Variants in AKAP6 observed in about 807,000 individuals in gnomAD.
The protein encoded by AKAP6 is A-kinase anchor protein 6.
Under a neutral mutation model 188.5 loss-of-function variants are expected in AKAP6, and 58 were observed. That is an observed-to-expected ratio of 0.31 (90% CI 0.25 to 0.38). The LOEUF is 0.38. AKAP6 is among the 10% of genes least tolerant of loss of function. The pLI, the probability that AKAP6 is intolerant of heterozygous loss-of-function variation, is 1.00. For synonymous variants in AKAP6, 989 were observed against 998.6 expected (o/e 0.99, Z 0.18); for missense variants, 2,710 against 2,740.0 (o/e 0.99, Z 0.24).
At chr14:32,656,855 T>G (rs1404515432) in intron 7 of AKAP6, among the ~76,000 whole-genome samples, 1 of 152,186 alleles carries the variant, frequency 6.6e-6, no homozygotes, top group Non-Finnish European at 1.5e-5. Flanking sequence ...GGTTCTATGC[T>G]TCTTAAAGCC....
intron 12 of AKAP6, among the ~76,000 whole-genome samples, chr14:32,817,205 T>G (rs540701602): frequency 6.6e-6 from 1 of 152,200 alleles, no homozygotes; most frequent in Admixed American, 6.5e-5. Context: ...GGAAATGCAA[T>G]CATGGGAGAC....
At chr14:32,619,973 T>G (rs1886746631) in intron 7 of AKAP6, among the ~76,000 whole-genome samples, 1 of 152,156 alleles carries the variant, frequency 6.6e-6, no homozygotes. Flanking sequence ...CTTGATTTGA[T>G]TCTCAGCTTG....
intron 5 of AKAP6, among the ~76,000 whole-genome samples, chr14:32,590,734 C>G (rs985837733): frequency 6.6e-5 from 10 of 152,056 alleles, no homozygotes; most frequent in Admixed American, 2.0e-4. Context: ...TGCAATTTAT[C>G]GCCTTTGACA....
At chr14:32,523,985 C>T (rs1274229306) in intron 2 of AKAP6, among the ~76,000 whole-genome samples, 3 of 151,932 alleles carry the variant, frequency 2.0e-5, no homozygotes, top group Non-Finnish European at 2.9e-5. Flanking sequence ...AGGTCTAATG[C>T]CCGAAGTTCT....
At chr14:32,532,714 C>T (rs1004430944) in intron 2 of AKAP6, among the ~76,000 whole-genome samples, 18 of 152,136 alleles carry the variant, frequency 1.2e-4, no homozygotes, top group African/African-American at 4.3e-4. Flanking sequence ...GTAAGATATT[C>T]TGCATCTTTA....
chr14:32,594,088 G>T (rs188698828), intron 5 of AKAP6, among the ~76,000 whole-genome samples: 5 of 151,978 alleles, frequency 3.3e-5, no homozygotes, highest in African/African-American at 1.2e-4. Context: ...CTGCTTTAAC[G>T]CTTTATATTT....
chr14:32,590,280 C>T (rs1885434754), intron 5 of AKAP6, among the ~76,000 whole-genome samples: 1 of 149,284 alleles, frequency 6.7e-6, no homozygotes, highest in African/African-American at 2.4e-5. Context: ...TGAGGGATGG[C>T]TTTTGTCTCT....
intron 12 of AKAP6, among the ~76,000 whole-genome samples, chr14:32,788,631 C>T (rs1023439809): frequency 6.6e-6 from 1 of 151,872 alleles, no homozygotes; most frequent in African/African-American, 2.4e-5. Flanking sequence ...GGAAACCATG[C>T]TTCTCCCATG....
chr14:32,467,193 CTAAAA>C (rs1878510690), intron 2 of AKAP6, among the ~76,000 whole-genome samples: 1 of 145,752 alleles, frequency 6.9e-6, no homozygotes, highest in Admixed American at 6.8e-5. Context: ...ACCCCCGAAC[CTAAAA>C]TAAAAGTTGG....
rs532549365 is a variant in AKAP6 at position 32,822,813 on chromosome 14, C to T, written c.5000C>T (p.Ser1667Phe). The part of the protein sequence containing the change: ...ITLQSSSQKM[S>F]FTGQMSLDIA... ...CTTCAAAGCAGTTCCCAAAAGATGT[C>T]CTTTACTGGCCAGATGTCATTGGAC... is the stretch of plus-strand genomic sequence containing the variant. Residue 1667 changes from serine (S) to phenylalanine (F), a missense_variant, in exon 13 of 14, where the codon TCC (serine) becomes TTC (phenylalanine). Coordinates refer to ENST00000280979, the MANE Select transcript of AKAP6 (RefSeq NM_004274.5). 243 of 1,613,954 alleles carry T rather than the reference C, an allele frequency of 1.5e-4. 3 individuals are homozygous for T. In the South Asian group the frequency reaches 2.5e-3, roughly 17 times the overall value.
In AKAP6 at chr14:32,482,741, T is replaced by C. The variant is rs183624176; in HGVS notation, c.324+48924T>C. On this transcript the variant is annotated intron_variant, in intron 2 of 13. Transcript: ENST00000280979. ...ACATAAATGTATTACAGACTTTTAA[T>C]ATAACAATACAACTCAGAAAACGTC... 2.1e-3 allele frequency among the ~76,000 whole-genome samples: 324 copies of C among 152,302 alleles called. 1 individual carries two copies. The highest frequency in any genetic ancestry group is 7.4e-3 in the African/African-American group (308 of 41,566).
intron 2 of AKAP6, among the ~76,000 whole-genome samples, chr14:32,483,777 C>T (rs1182396157): frequency 6.6e-6 from 1 of 151,940 alleles, no homozygotes; most frequent in African/African-American, 2.4e-5. Context: ...AGCCACTGTG[C>T]CCCCCAGATT....
Position 32,352,878 on chromosome 14 carries a change from T to C in AKAP6, c.-35+23470T>C, listed in dbSNP as rs568314291. On this transcript the variant is annotated intron_variant, in intron 1 of 13. Coordinates refer to ENST00000280979, the MANE Select transcript of AKAP6 (RefSeq NM_004274.5). ...ATAAACGTGGGAGTGCAGATGTCTC[T>C]TTGACATAGTGATTTCATTTCCTTT... Among the ~76,000 whole-genome samples the C allele has an allele frequency of 5.3e-5, 8 of 152,352 alleles. No individual in the cohort carries two copies. In the South Asian group the frequency reaches 1.7e-3, roughly 32 times the overall value.
intron 5 of AKAP6, among the ~76,000 whole-genome samples, chr14:32,582,013 A>T (rs1026672099): frequency 3.3e-5 from 5 of 151,926 alleles, no homozygotes; most frequent in African/African-American, 4.8e-5. Flanking sequence ...TAATATTGTT[A>T]TGTGTGAATT....
chr14:32,707,576 T>C (rs992929728), intron 9 of AKAP6, among the ~76,000 whole-genome samples: 16 of 152,208 alleles, frequency 1.1e-4, no homozygotes, highest in African/African-American at 3.6e-4. Flanking sequence ...ACGTGGAGGA[T>C]TCGTGTTATT....
At chr14:32,519,555 G>T (rs1231075483) in intron 2 of AKAP6, among the ~76,000 whole-genome samples, 1 of 152,118 alleles carries the variant, frequency 6.6e-6, no homozygotes, top group Non-Finnish European at 1.5e-5. Context: ...CTTAGTCTCT[G>T]ATAAAACAGA....
chr14:32,441,363 GGATGTCT>G (rs1890570285), intron 2 of AKAP6, among the ~76,000 whole-genome samples: 1 of 152,174 alleles, frequency 6.6e-6, no homozygotes, highest in Non-Finnish European at 1.5e-5. Flanking sequence ...GAAATAAGAA[GGATGTCT>G]GATGTTTGAA....
intron 11 of AKAP6, among the ~76,000 whole-genome samples, chr14:32,743,743 A>T (rs2031775603): frequency 6.6e-6 from 1 of 152,126 alleles, no homozygotes; most frequent in African/African-American, 2.4e-5. Flanking sequence ...CTGTGTCTTG[A>T]AAAGTTGTTG....
At chr14:32,771,181 T>A (rs2032885791) in intron 11 of AKAP6, among the ~76,000 whole-genome samples, 1 of 152,190 alleles carries the variant, frequency 6.6e-6, no homozygotes, top group Non-Finnish European at 1.5e-5. Context: ...GTTATTTTAT[T>A]AATTATATCT....
Sources: allele counts gnomAD v4.1 joint callset (sites outside exome capture counted in the v4.1 genomes callset), GRCh38; gene constraint gnomAD v4.1.1; transcripts MANE v1.5; gene names NCBI Gene and HGNC (gene_info 2026-07-23, HGNC 2026-07-21).